ROCK2: variants seen among roughly 807,000 people sequenced by gnomAD.
ROCK2 encodes rho-associated protein kinase 2.
A neutral mutation model predicts 195.1 loss-of-function variants in ROCK2; 61 were observed. The ratio of observed to expected loss-of-function variants is 0.31; its 90% CI spans 0.25 to 0.39. The LOEUF is 0.39. ROCK2 is among the 10% of genes least tolerant of loss of function. The probability of loss-of-function intolerance (pLI) is 1.00; values close to 1 mark genes in which losing one functional copy is unlikely to be tolerated. For synonymous variants in ROCK2, 504 were observed against 545.5 expected (o/e 0.92, Z 1.06); for missense variants, 1,109 against 1,637.4 (o/e 0.68, Z 5.57).
At chr2:11,226,283 T>C (rs72785502) in intron 6 of ROCK2, among the ~76,000 whole-genome samples, 6,465 of 152,202 alleles carry the variant, frequency 0.042, 280 homozygotes, top group Non-Finnish European at 0.06. Context: ...ATGAAATCTA[T>C]GATGTAAAGA....
At position 11,202,491 on chromosome 2, in the gene ROCK2, A is replaced by T. The variant is rs529766970; in HGVS notation, c.2550-370T>A. Among the ~76,000 whole-genome samples, 32 of 150,420 alleles carry T rather than the reference A, an allele frequency of 2.1e-4. 1 individual carries two copies. The East Asian group carries it at 2.3e-3, about 11-fold the overall frequency. On this transcript the variant is annotated intron_variant, in intron 20 of 32. Coordinates refer to ENST00000315872, the MANE Select transcript of ROCK2 (RefSeq NM_004850.5). ...TGGAACCCTTGATGATAATAATAATAATAATTATTATTATTTTTGTTTTTG... is the reference window on the plus strand; with the variant it reads ...TGGAACCCTTGATGATAATAATAATTATAATTATTATTATTTTTGTTTTTG...
intron 3 of ROCK2, among the ~76,000 whole-genome samples, chr2:11,285,718 T>C (rs72787690): frequency 0.042 from 6,452 of 152,134 alleles, 275 homozygotes; most frequent in Non-Finnish European, 0.06. Context: ...TCCCAGCTTC[T>C]TGGAGGGCTG....
intron 1 of ROCK2, among the ~76,000 whole-genome samples, chr2:11,312,026 C>T (rs574419833): frequency 6.6e-6 from 1 of 152,106 alleles, no homozygotes; most frequent in Non-Finnish European, 1.5e-5. Context: ...GATGAGAATC[C>T]AGCCGTCGTT....
intron 4 of ROCK2, among the ~76,000 whole-genome samples, chr2:11,247,870 A>T (rs564837394): frequency 5.9e-5 from 9 of 152,140 alleles, no homozygotes; most frequent in Admixed American, 6.5e-5. Flanking sequence ...AAAAATACAA[A>T]AATTAACCAG....
At chr2:11,303,610 C>T (rs1376173347) in intron 1 of ROCK2, among the ~76,000 whole-genome samples, 2 of 152,062 alleles carry the variant, frequency 1.3e-5, no homozygotes, top group African/African-American at 4.8e-5. Flanking sequence ...TTTCTCTTAC[C>T]CTTAAGAAAA....
rs1663874346 is a variant in ROCK2 at position 11,202,124 on chromosome 2, G to A, written c.2550-3C>T. ...GCCCATCTGCATCCTGACGTTCTCT[G>A]TGAGGACAATGAATCAAAGGTTTAA... On this transcript the variant is annotated splice_polypyrimidine_tract_variant and splice_region_variant and intron_variant, in intron 20 of 32. Coordinates refer to ENST00000315872, the MANE Select transcript of ROCK2 (RefSeq NM_004850.5). 6.2e-7 allele frequency: 1 copy of A among 1,610,972 alleles called. No homozygotes were observed. Among genetic ancestry groups the A allele is most frequent in the Admixed American group, 1.7e-5 (1 of 60,000 alleles).
chr2:11,260,458 A>AAAAAAAAAAAAG (rs927660397), intron 3 of ROCK2, among the ~76,000 whole-genome samples: 2 of 151,580 alleles, frequency 1.3e-5, no homozygotes, highest in African/African-American at 4.8e-5. Flanking sequence ...CAAAAAAAAA[A>AAAAAAAAAAAAG]AAAAAAAAAG....
intron 20 of ROCK2, among the ~76,000 whole-genome samples, chr2:11,202,349 T>G (rs1170301771): frequency 6.6e-6 from 1 of 152,102 alleles, no homozygotes; most frequent in Non-Finnish European, 1.5e-5. Flanking sequence ...TGTAATTACA[T>G]CATTCTGATG....
intron 1 of ROCK2, among the ~76,000 whole-genome samples, chr2:11,297,775 T>A (rs1338367470): frequency 3.3e-5 from 5 of 152,202 alleles, no homozygotes; most frequent in Admixed American, 6.5e-5. Context: ...GTCAGCCATG[T>A]GGAGGACACA....
At chr2:11,292,586 A>T (rs1667396056) in intron 1 of ROCK2, among the ~76,000 whole-genome samples, 1 of 152,234 alleles carries the variant, frequency 6.6e-6, no homozygotes, top group Admixed American at 6.5e-5. Context: ...ACTAAATAAC[A>T]AACAAGTTTT....
At chr2:11,327,102 T>C (rs1260550474) in intron 1 of ROCK2, among the ~76,000 whole-genome samples, 2 of 152,308 alleles carry the variant, frequency 1.3e-5, no homozygotes, top group Admixed American at 6.5e-5. Context: ...GCTCAACAAA[T>C]GCTTTTTTTG....
chr2:11,339,897 T>G lies in ROCK2; in HGVS notation c.141+4099A>C, dbSNP rs150344484. On this transcript the variant is annotated intron_variant, in intron 1 of 32. Transcript: ENST00000315872. ...AACTTCTACAGGCTAGTGTTCCACT[T>G]ATTAACTTGTGTGGTGATTTCATGA... 2.4e-4 allele frequency among the ~76,000 whole-genome samples: 37 copies of G among 152,330 alleles called. No homozygotes were observed. In the East Asian group the frequency reaches 7.1e-3, roughly 29 times the overall value.
chr2:11,240,389 T>C (rs1016931186), intron 4 of ROCK2, among the ~76,000 whole-genome samples: 6 of 152,204 alleles, frequency 3.9e-5, no homozygotes, highest in Non-Finnish European at 5.9e-5. Context: ...AGACTAGATA[T>C]ATTATTTATT....
At chr2:11,344,866 G>A (rs1669248229), upstream of ROCK2, among the ~76,000 whole-genome samples, 1 of 150,714 alleles carries the variant, frequency 6.6e-6, no homozygotes. The surrounding 1 kb of genome is among the most constrained non-coding windows in gnomAD (Gnocchi z 5.4). Flanking sequence ...CGGGCGCGCG[G>A]TCACGGCCGA....
Position 11,198,383 on chromosome 2 carries a change from T to C in ROCK2, c.3099+108A>G, listed in dbSNP as rs1663716787. ...CAGGTAATTGTGACTTCACAAATAT[T>C]GGTACATTCGATGACTACTGCTACC... On this transcript the variant is annotated intron_variant, in intron 25 of 32. Transcript: ENST00000315872. 6 of 724,456 alleles carry C rather than the reference T, an allele frequency of 8.3e-6. No homozygotes were observed. In the South Asian group the frequency reaches 9.6e-5, roughly 12 times the overall value. 44.9% of individuals were successfully genotyped at this position (724,456 alleles called of 1,614,324 possible). A position where few individuals can be genotyped will look rare whatever the true frequency, so the allele number is the denominator to read the frequency against.
rs1051154790 is a variant in ROCK2, at chr2:11,235,269, G to C, written c.723+433C>G. On this transcript the variant is annotated intron_variant, in intron 5 of 32. Coordinates refer to ENST00000315872, the MANE Select transcript of ROCK2 (RefSeq NM_004850.5). The surrounding 1 kb of genome is among the most constrained non-coding windows in gnomAD (Gnocchi z 4.2). ...TTATTCTGTGTGGTTGATGCAGAGG[G>C]AGTGACGAGGAGGTTGTAACATAAA... Among the ~76,000 whole-genome samples, 4 of 152,192 alleles carry C rather than the reference G, an allele frequency of 2.6e-5. No homozygotes were observed. Among genetic ancestry groups the C allele is most frequent in the African/African-American group, 7.2e-5 (3 of 41,466 alleles).
chr2:11,260,216 G>C (rs1006622338), intron 3 of ROCK2, among the ~76,000 whole-genome samples: 1 of 151,364 alleles, frequency 6.6e-6, no homozygotes, highest in African/African-American at 2.5e-5. Context: ...GGGAGGCTGA[G>C]GCAGGTGTAT....
intron 3 of ROCK2, among the ~76,000 whole-genome samples, chr2:11,273,095 A>C (rs1366542215): frequency 2.5e-5 from 1 of 39,946 alleles, no homozygotes; most frequent in Non-Finnish European, 7.1e-5. Flanking sequence ...AATAAGGGTC[A>C]AAAAAAAAAA....
intron 20 of ROCK2, among the ~76,000 whole-genome samples, chr2:11,204,071 A>C (rs1251432194): frequency 1.3e-5 from 2 of 152,238 alleles, no homozygotes; most frequent in East Asian, 1.9e-4. Flanking sequence ...AATTACAATG[A>C]GAAGTAGAAG....
Sources: gnomAD v4.1 joint callset for allele counts (sites outside exome capture counted in the v4.1 genomes callset) on GRCh38, gnomAD v4.1.1 for gene constraint, Gnocchi (gnomAD v3.1) non-coding constraint, MANE v1.5 for transcripts, NCBI Gene and HGNC (gene_info 2026-07-23, HGNC 2026-07-21) for gene names.